The following GALNTL6 variants were observed in gnomAD, a reference collection of about 807,000 sequenced individuals.
The protein encoded by GALNTL6 is polypeptide N-acetylgalactosaminyltransferase like 6.
A neutral mutation model predicts 73.7 loss-of-function variants in GALNTL6; 46 were observed. The ratio of observed to expected loss-of-function variants is 0.62; its 90% CI spans 0.49 to 0.80. GALNTL6 has a LOEUF of 0.80. Among genes scored for constraint, GALNTL6 ranks in the 30% least tolerant of loss-of-function variants. The pLI is 0.00. For missense variants in GALNTL6, 604 were observed against 755.0 expected, an observed-to-expected ratio of 0.80 and a Z score of 2.34; for synonymous variants, 259 against 263.7, an observed-to-expected ratio of 0.98 and a Z score of 0.17.
At position 172,216,046 on chromosome 4, in the gene GALNTL6, A is replaced by C. The variant is rs149470835; in HGVS notation, c.139-13610A>C. Among the ~76,000 whole-genome samples the C allele has an allele frequency of 1.8e-3, 281 of 152,226 alleles. 1 individual carries two copies. Among genetic ancestry groups the C allele is most frequent in the African/African-American group, 6.2e-3 (256 of 41,566 alleles). On this transcript the variant is annotated intron_variant, in intron 2 of 12. Transcript: ENST00000506823. ...ATATACACCCAATATGTTGTTGCTAATATTACTTTAAACAAACCATTATTT... is the reference window on the plus strand; with the variant it reads ...ATATACACCCAATATGTTGTTGCTACTATTACTTTAAACAAACCATTATTT...
At chr4:172,749,763 T>G (rs895683555) in intron 5 of GALNTL6, among the ~76,000 whole-genome samples, 4 of 152,122 alleles carry the variant, frequency 2.6e-5, no homozygotes, top group African/African-American at 9.7e-5. Flanking sequence ...ATTAGCATCT[T>G]AATATTATTC....
chr4:172,042,918 T>G (rs1278346287), intron 2 of GALNTL6, among the ~76,000 whole-genome samples: 2 of 135,266 alleles, frequency 1.5e-5, no homozygotes, highest in South Asian at 2.6e-4. Flanking sequence ...CATAAAACTA[T>G]TCAATGAATT....
intron 5 of GALNTL6, among the ~76,000 whole-genome samples, chr4:172,488,832 C>G (rs1291020739): frequency 7.6e-6 from 1 of 132,390 alleles, no homozygotes; most frequent in Non-Finnish European, 1.6e-5. Context: ...CGAAGGCAGT[C>G]CTGGGGTGGG....
intron 2 of GALNTL6, among the ~76,000 whole-genome samples, chr4:171,997,102 T>C (rs1355515106): frequency 1.3e-5 from 2 of 152,102 alleles, no homozygotes; most frequent in African/African-American, 4.8e-5. Context: ...AAAGGAGACT[T>C]GGAATAGGTC....
intron 2 of GALNTL6, among the ~76,000 whole-genome samples, chr4:171,956,013 T>G (rs55681550): frequency 0.47 from 71,633 of 151,190 alleles, 17,394 homozygotes; most frequent in Middle Eastern, 0.59. Context: ...TGTGTGTGTG[T>G]GGGACAGGGC....
chr4:172,453,593 C>T (rs1732290590), intron 5 of GALNTL6, among the ~76,000 whole-genome samples: 1 of 152,168 alleles, frequency 6.6e-6, no homozygotes, highest in African/African-American at 2.4e-5. Flanking sequence ...TCTACTTAAT[C>T]CTTTACCTCC....
chr4:172,360,757 C>G (rs994966654), intron 5 of GALNTL6, among the ~76,000 whole-genome samples: 3 of 152,072 alleles, frequency 2.0e-5, no homozygotes, highest in African/African-American at 7.2e-5. Context: ...TTGTACTGCT[C>G]TTGTTAGAAA....
At chr4:172,174,964 TA>T (rs1264845187) in intron 2 of GALNTL6, among the ~76,000 whole-genome samples, 1 of 152,218 alleles carries the variant, frequency 6.6e-6, no homozygotes, top group Non-Finnish European at 1.5e-5. Flanking sequence ...TATATTTTGT[TA>T]ATACTTAACA....
intron 2 of GALNTL6, among the ~76,000 whole-genome samples, chr4:171,976,088 A>G (rs1465611766): frequency 6.6e-6 from 1 of 152,066 alleles, no homozygotes; most frequent in Non-Finnish European, 1.5e-5. Flanking sequence ...ATGCCCAGCT[A>G]ATTTTTGTAT....
intron 2 of GALNTL6, among the ~76,000 whole-genome samples, chr4:172,152,093 C>T (rs895161897): frequency 6.6e-6 from 1 of 151,994 alleles, no homozygotes; most frequent in African/African-American, 2.4e-5. Context: ...TCTCCTGCCT[C>T]AGCCTCCTGA....
chr4:171,931,811 G>A (rs980576207), intron 2 of GALNTL6, among the ~76,000 whole-genome samples: 2 of 151,976 alleles, frequency 1.3e-5, no homozygotes, highest in Non-Finnish European at 2.9e-5. Flanking sequence ...TCCATTATAA[G>A]AATAATTATT....
At chr4:172,745,263 A>G (rs182872689) in intron 5 of GALNTL6, among the ~76,000 whole-genome samples, 6 of 152,068 alleles carry the variant, frequency 3.9e-5, no homozygotes, top group African/African-American at 1.4e-4. Context: ...ACAAGCATTG[A>G]AAAGCAGGTT....
intron 5 of GALNTL6, among the ~76,000 whole-genome samples, chr4:172,452,071 A>G (rs1732233966): frequency 6.6e-6 from 1 of 152,182 alleles, no homozygotes; most frequent in African/African-American, 2.4e-5. Context: ...ATGTAAGCAT[A>G]ATCTTTTGAA....
chr4:172,005,479 G>A (rs1213911349), intron 2 of GALNTL6, among the ~76,000 whole-genome samples: 2 of 152,040 alleles, frequency 1.3e-5, no homozygotes, highest in Non-Finnish European at 2.9e-5. Flanking sequence ...CAGGAAAAGA[G>A]TAAGAGAATA....
intron 2 of GALNTL6, among the ~76,000 whole-genome samples, chr4:172,178,625 T>C (rs111754378): frequency 0.013 from 1,951 of 151,988 alleles, 34 homozygotes; most frequent in African/African-American, 0.043. Context: ...CTGCATAGTA[T>C]TCCATGGTGT....
intron 2 of GALNTL6, among the ~76,000 whole-genome samples, chr4:172,096,295 A>G (rs940180630): frequency 6.6e-6 from 1 of 151,968 alleles, no homozygotes; most frequent in South Asian, 2.1e-4. Context: ...GGGTCTCACT[A>G]TGCTGCCCAG....
intron 7 of GALNTL6, among the ~76,000 whole-genome samples, chr4:172,851,895 G>A (rs1233758130): frequency 6.6e-6 from 1 of 152,076 alleles, no homozygotes; most frequent in Non-Finnish European, 1.5e-5. Flanking sequence ...CAAGATTCTG[G>A]ATGCTCTGCC....
At chr4:172,608,077 T>C (rs1738376526) in intron 5 of GALNTL6, among the ~76,000 whole-genome samples, 1 of 152,136 alleles carries the variant, frequency 6.6e-6, no homozygotes, top group Non-Finnish European at 1.5e-5. Flanking sequence ...ATTTCTCCCA[T>C]TCTGTTCTAT....
At chr4:172,643,652 T>A (rs1740092360) in intron 5 of GALNTL6, among the ~76,000 whole-genome samples, 2 of 152,030 alleles carry the variant, frequency 1.3e-5, no homozygotes, top group African/African-American at 2.4e-5. Context: ...CAATGTTCTA[T>A]AAATATAATC....
Sources: allele counts gnomAD v4.1 joint callset (sites outside exome capture counted in the v4.1 genomes callset), GRCh38; gene constraint gnomAD v4.1.1; transcripts MANE v1.5; gene names NCBI Gene and HGNC (gene_info 2026-07-23, HGNC 2026-07-21).